INSL6: variants seen among roughly 807,000 people sequenced by gnomAD.
The protein encoded by INSL6 is insulin-like peptide INSL6.
In INSL6, 16 loss-of-function variants were observed where a neutral mutation model predicts 9.4. The ratio of observed to expected loss-of-function variants is 1.70; its 90% CI spans 1.15 to 2.59. The LOEUF (loss-of-function observed/expected upper bound fraction) is 2.59, where lower values mean the gene tolerates loss of function less well. INSL6 is among the 30% of genes most tolerant of loss of function. INSL6 has a pLI of 0.00. For synonymous variants in INSL6, 154 were observed against 96.9 expected (o/e 1.59, Z -3.46); for missense variants, 391 against 257.3 (o/e 1.52, Z -3.56).
the INSL6 span, among the ~76,000 whole-genome samples, chr9:5,036,409 A>G: frequency 6.6e-5 from 10 of 152,134 alleles, no homozygotes; most frequent in African/African-American, 2.2e-4. Context: ...AAAAGAGCCC[A>G]CATTGCCAAG....
chr9:5,022,873 T>C, the INSL6 span, among the ~76,000 whole-genome samples: 3 of 152,212 alleles, frequency 2.0e-5, no homozygotes, highest in South Asian at 2.1e-4. Context: ...TTTTGAAGAA[T>C]AGTCGTATGA....
At chr9:5,173,147 G>C (rs1029581258) in intron 1 of INSL6, among the ~76,000 whole-genome samples, 1 of 152,136 alleles carries the variant, frequency 6.6e-6, no homozygotes, top group Non-Finnish European at 1.5e-5. Flanking sequence ...AGAGAAATAG[G>C]AACTAATTCC....
the INSL6 span, among the ~76,000 whole-genome samples, chr9:5,086,371 TTTTCCTC>T: frequency 0.032 from 4,894 of 152,266 alleles, 208 homozygotes; most frequent in African/African-American, 0.11. Context: ...CTTTATTCCT[TTTTCCTC>T]CATGGTGCAG....
the INSL6 span, chr9:5,095,019 G>C: frequency 6.6e-6 from 1 of 151,704 alleles, no homozygotes. Flanking sequence ...CCCAAACATA[G>C]GAAATATGTC....
intron 1 of INSL6, among the ~76,000 whole-genome samples, chr9:5,172,675 T>C (rs193206339): frequency 1.3e-5 from 2 of 152,256 alleles, no homozygotes; most frequent in Admixed American, 1.3e-4. Context: ...ACGCCTGTAA[T>C]CCCAGCACTT....
At chr9:5,083,871 C>T in the INSL6 span, among the ~76,000 whole-genome samples, 1 of 152,106 alleles carries the variant, frequency 6.6e-6, no homozygotes, top group African/African-American at 2.4e-5. Flanking sequence ...GTTGTAGTCT[C>T]TGCACAACTA....
chr9:5,059,534 A>AT, the INSL6 span, among the ~76,000 whole-genome samples: 2 of 152,036 alleles, frequency 1.3e-5, no homozygotes, highest in East Asian at 1.9e-4. Context: ...TCTTATACAT[A>AT]TTTTTTGGTG....
At chr9:5,050,304 A>C in the INSL6 span, among the ~76,000 whole-genome samples, 1 of 152,140 alleles carries the variant, frequency 6.6e-6, no homozygotes, top group Non-Finnish European at 1.5e-5. Context: ...TTTATTTATT[A>C]ATCATTTTAG....
the INSL6 span, chr9:5,111,114 CTTTGACCCCA>C: frequency 1.3e-5 from 16 of 1,216,020 alleles, no homozygotes; most frequent in Non-Finnish European, 1.6e-5. Context: ...ACAGCTCCTC[CTTTGACCCCA>C]GCTGGACGTT....
In INSL6 at chr9:5,163,891, G is replaced by T; in HGVS notation, c.*22C>A. On this transcript the variant is annotated 3_prime_UTR_variant, in exon 2 of 2. Transcript: ENST00000381641. ...AATAAATGTATTAAGCTTTTATTAG[G>T]TTAGAAAAAATTCTAAGATGGTTAG... is the stretch of plus-strand genomic sequence containing the variant. The T allele has an allele frequency of 6.9e-7, 1 of 1,459,650 alleles. No individual in the cohort carries two copies. The highest frequency in any genetic ancestry group is 9.5e-7 in the Non-Finnish European group (1 of 1,055,164). The allele number at this position is 1,459,650 out of a possible 1,614,324, so 90.4% of individuals were successfully genotyped here. A position where few individuals can be genotyped will look rare whatever the true frequency, so the allele number is the denominator to read the frequency against.
chr9:5,061,064 A>G, the INSL6 span, among the ~76,000 whole-genome samples: 2 of 152,228 alleles, frequency 1.3e-5, no homozygotes, highest in African/African-American at 4.8e-5. Flanking sequence ...GATCTTAACA[A>G]TGGGCTTAAA....
chr9:5,164,356 TAAAAAACA>T, intron 1 of INSL6, 91 bp from the exon 2 acceptor site: 1 of 794,050 alleles, frequency 1.3e-6, no homozygotes, highest in Non-Finnish European at 2.0e-6. Flanking sequence ...AGCTAATTAT[TAAAAAACA>T]AGTAATCACA....
chr9:5,050,734 G>A, the INSL6 span: 1 of 1,613,766 alleles, frequency 6.2e-7, no homozygotes, highest in East Asian at 2.2e-5. Context: ...TGTGACTCAT[G>A]AAACACAGGA....
At chr9:5,073,872 G>C in the INSL6 span, 4 of 822,590 alleles carry the variant, frequency 4.9e-6, no homozygotes, top group African/African-American at 5.1e-5. Context: ...ATCACAGCTA[G>C]GTGTCAGTGT....
chr9:5,093,075 T>C, the INSL6 span, among the ~76,000 whole-genome samples: 461 of 152,286 alleles, frequency 3.0e-3, 2 homozygotes, highest in African/African-American at 0.011. Context: ...TATTATTTAA[T>C]AGAAGCAATA....
chr9:5,009,050 A>G, the INSL6 span, among the ~76,000 whole-genome samples: 2 of 152,130 alleles, frequency 1.3e-5, no homozygotes, highest in African/African-American at 4.8e-5. Flanking sequence ...TCTTTAATGT[A>G]TAGAGAATTT....
chr9:5,034,227 C>T, the INSL6 span, among the ~76,000 whole-genome samples: 2 of 152,034 alleles, frequency 1.3e-5, no homozygotes, highest in Non-Finnish European at 2.9e-5. Context: ...ACAGGAGCAC[C>T]CAGATTCATA....
At chr9:5,109,843 C>G in the INSL6 span, 2 of 152,162 alleles carry the variant, frequency 1.3e-5, no homozygotes, top group African/African-American at 4.8e-5. Flanking sequence ...TTCCTCATCA[C>G]AGTATTCTTC....
At chr9:5,046,526 A>G in the INSL6 span, among the ~76,000 whole-genome samples, 2 of 152,116 alleles carry the variant, frequency 1.3e-5, no homozygotes, top group African/African-American at 2.4e-5. Context: ...GAGTTTTATC[A>G]TTTTAGCTCT....
Sources: allele counts gnomAD v4.1 joint callset (sites outside exome capture counted in the v4.1 genomes callset), GRCh38; gene constraint gnomAD v4.1.1; transcripts MANE v1.5; gene names NCBI Gene and HGNC (gene_info 2026-07-23, HGNC 2026-07-21).